Variants in BAIAP2L1 observed in about 807,000 individuals in gnomAD.
BAIAP2L1 encodes the protein BAR/IMD domain-containing adapter protein 2-like 1.
In BAIAP2L1, 35 loss-of-function variants were observed where a neutral mutation model predicts 66.3. The observed-to-expected ratio is 0.53, with a 90% CI of 0.40 to 0.70. The LOEUF is 0.70. BAIAP2L1 is among the 30% of genes least tolerant of loss of function. The pLI is 0.00. For synonymous variants in BAIAP2L1, 269 were observed against 248.7 expected (o/e 1.08, Z -0.77); for missense variants, 622 against 656.9 (o/e 0.95, Z 0.58).
intron 2 of BAIAP2L1, chr7:98,355,437 C>T (rs1286489336): frequency 5.6e-6 from 2 of 354,782 alleles, no homozygotes; most frequent in African/African-American, 4.1e-5. Flanking sequence ...GCGTTCCTAA[C>T]GTTGAACTAG....
At chr7:98,337,917 C>CCAAA (rs71112140) in intron 3 of BAIAP2L1, among the ~76,000 whole-genome samples, 4 of 151,120 alleles carry the variant, frequency 2.6e-5, no homozygotes, top group African/African-American at 4.9e-5. Context: ...GACTCCATCT[C>CCAAA]CAAACAAACA....
intron 2 of BAIAP2L1, among the ~76,000 whole-genome samples, chr7:98,357,175 CAG>C (rs1802156191): frequency 6.8e-6 from 1 of 147,672 alleles, no homozygotes; most frequent in Non-Finnish European, 1.5e-5. Context: ...TTGTGAGCCA[CAG>C]AATTAATTCA....
intron 12 of BAIAP2L1, among the ~76,000 whole-genome samples, chr7:98,301,662 GGT>G (rs140880740): frequency 3.3e-5 from 5 of 151,490 alleles, no homozygotes; most frequent in East Asian, 1.9e-4. Flanking sequence ...TGAAGATGAT[GGT>G]GTGTGTGTGT....
At chr7:98,373,110 G>A (rs1185169083) in intron 1 of BAIAP2L1, among the ~76,000 whole-genome samples, 4 of 152,076 alleles carry the variant, frequency 2.6e-5, no homozygotes, top group African/African-American at 9.7e-5. Flanking sequence ...GCTGTTCCTG[G>A]ACTAACATCA....
At position 98,381,875 on chromosome 7, in the gene BAIAP2L1, A is replaced by T. The variant is rs2115805296; in HGVS notation, c.51+18927T>A. Reference sequence around the variant, plus strand: ...CTGGACAAAAGTATCAAGCCCGTTAAGAAAATTAAGTCCCAGAGCTACCCC... The same window carrying T: ...CTGGACAAAAGTATCAAGCCCGTTATGAAAATTAAGTCCCAGAGCTACCCC... On this transcript the variant is annotated intron_variant, in intron 1 of 13. Coordinates refer to ENST00000005260, the MANE Select transcript of BAIAP2L1 (RefSeq NM_018842.5). Among the ~76,000 whole-genome samples the T allele has an allele frequency of 1.3e-5, 2 of 152,224 alleles. 1 individual carries two copies. Among genetic ancestry groups the T allele is most frequent in the African/African-American group, 4.8e-5 (2 of 41,546 alleles).
chr7:98,366,778 C>T (rs1802397176), intron 1 of BAIAP2L1, among the ~76,000 whole-genome samples: 1 of 152,260 alleles, frequency 6.6e-6, no homozygotes, highest in Non-Finnish European at 1.5e-5. Context: ...AGCCAGCCAA[C>T]TCCCCCACGA....
In BAIAP2L1 at chr7:98,347,015, CAACAACAA is replaced by C. The variant is rs535939756; in HGVS notation, c.214+8019_214+8026del. On this transcript the variant is annotated intron_variant, in intron 3 of 13. Transcript: ENST00000005260. ...AGCAAAACAACAACAACAACAACAA[CAACAACAA>C]AACAAAACAAAACTTCACCTTAAAG... Among the ~76,000 whole-genome samples the C allele has an allele frequency of 4.6e-3, 698 of 152,094 alleles. 9 individuals carry two copies. Among genetic ancestry groups the C allele is most frequent in the African/African-American group, 0.016 (657 of 41,516 alleles).
intron 1 of BAIAP2L1, among the ~76,000 whole-genome samples, chr7:98,379,186 G>A (rs1802702052): frequency 6.6e-6 from 1 of 152,040 alleles, no homozygotes; most frequent in South Asian, 2.1e-4. Flanking sequence ...GCCAAAGCTA[G>A]GAATCTTAAT....
At chr7:98,301,252 C>T (rs1800406969) in intron 12 of BAIAP2L1, among the ~76,000 whole-genome samples, 1 of 152,202 alleles carries the variant, frequency 6.6e-6, no homozygotes, top group Non-Finnish European at 1.5e-5. Context: ...GTCACCTCCA[C>T]CCCTGTGCTG....
chr7:98,399,548 A>G (rs1397786971), intron 1 of BAIAP2L1, among the ~76,000 whole-genome samples: 5 of 152,190 alleles, frequency 3.3e-5, no homozygotes, highest in Admixed American at 2.6e-4. Flanking sequence ...CCAACCAACC[A>G]ACCGACCAAC....
intron 3 of BAIAP2L1, among the ~76,000 whole-genome samples, chr7:98,345,879 T>C (rs1018489569): frequency 1.3e-5 from 2 of 151,426 alleles, no homozygotes; most frequent in Non-Finnish European, 2.9e-5. Flanking sequence ...CACTTCACAC[T>C]ACAGGATGTG....
At chr7:98,335,260 C>T (rs1417245370) in intron 3 of BAIAP2L1, among the ~76,000 whole-genome samples, 1 of 151,846 alleles carries the variant, frequency 6.6e-6, no homozygotes, top group Non-Finnish European at 1.5e-5. Context: ...GTTCCCTTCT[C>T]CAGAAAAGAT....
chr7:98,389,817 A>C (rs1318813230), intron 1 of BAIAP2L1, among the ~76,000 whole-genome samples: 3 of 152,116 alleles, frequency 2.0e-5, no homozygotes, highest in Admixed American at 6.6e-5. Context: ...CCCTGAAAGT[A>C]AAGTCTTGAC....
chr7:98,312,406 C>T, intron 7 of BAIAP2L1, 142 bp from the exon 8 acceptor site: 1 of 838,246 alleles, frequency 1.2e-6, no homozygotes, highest in South Asian at 1.8e-5. Flanking sequence ...TCGGTGAGCA[C>T]TTTAAGCACC....
chr7:98,356,768 A>G (rs1160665063), intron 2 of BAIAP2L1, among the ~76,000 whole-genome samples: 2 of 149,518 alleles, frequency 1.3e-5, no homozygotes, highest in South Asian at 4.2e-4. Flanking sequence ...CTTGAGCCCA[A>G]GAGTTTGAGA....
At chr7:98,378,050 G>A (rs1802674651) in intron 1 of BAIAP2L1, among the ~76,000 whole-genome samples, 1 of 151,936 alleles carries the variant, frequency 6.6e-6, no homozygotes. Context: ...GTGGGAAGCT[G>A]AGACAGGAGA....
rs1158220922 is a variant in BAIAP2L1 at position 98,398,504 on chromosome 7, C to T, written c.51+2298G>A. Among the ~76,000 whole-genome samples the T allele has an allele frequency of 2.7e-5, 4 of 150,738 alleles. 1 individual carries two copies. The highest frequency in any genetic ancestry group is 5.9e-5 in the Non-Finnish European group (4 of 67,742). On this transcript the variant is annotated intron_variant, in intron 1 of 13. Transcript: ENST00000005260. The stretch of plus-strand genomic sequence containing the variant: ...AAAAAAAAAGGTCCCAAAACACTAA[C>T]AAGGAAATAGTAATTAAAACGAACA...
intron 1 of BAIAP2L1, among the ~76,000 whole-genome samples, chr7:98,384,481 G>T (rs1236678833): frequency 6.6e-6 from 1 of 152,030 alleles, no homozygotes; most frequent in Non-Finnish European, 1.5e-5. Context: ...GAATAAAAAA[G>T]CAATCAATAA....
chr7:98,307,464 T>G, intron 10 of BAIAP2L1: 2 of 1,407,604 alleles, frequency 1.4e-6, no homozygotes, highest in Non-Finnish European at 1.8e-6. Flanking sequence ...ACAGGTGACT[T>G]CATACGCTCT....
Sources: gnomAD v4.1 joint callset for allele counts (sites outside exome capture counted in the v4.1 genomes callset) on GRCh38, gnomAD v4.1.1 for gene constraint, MANE v1.5 for transcripts, NCBI Gene and HGNC (gene_info 2026-07-23, HGNC 2026-07-21) for gene names.